Variants in SHROOM4 observed in about 807,000 individuals in gnomAD.
SHROOM4 encodes the protein protein Shroom4.
A neutral mutation model predicts 80.3 loss-of-function variants in SHROOM4; 17 were observed. That is an observed-to-expected ratio of 0.21 (90% confidence interval 0.14 to 0.32). The LOEUF is 0.32. Ranked by LOEUF, SHROOM4 falls within the 10% of genes least tolerant of loss-of-function variation. The pLI is 1.00. For missense variants in SHROOM4, 993 were observed against 1,140.3 expected (o/e 0.87, Z 1.86); for synonymous variants, 400 against 437.5 (o/e 0.91, Z 1.07).
At chrX:50,810,600 C>T (rs917324126) in intron 1 of SHROOM4, among the ~76,000 whole-genome samples, 6 of 111,889 alleles carry the variant, frequency 5.4e-5, no homozygotes, top group African/African-American at 2.0e-4. Flanking sequence ...TGAGCCCAGA[C>T]TCCATCAGAG....
At chrX:50,581,906 A>C (rs1371492970), downstream of SHROOM4, among the ~76,000 whole-genome samples, 3 of 111,030 alleles carry the variant, frequency 2.7e-5, no homozygotes, top group Non-Finnish European at 5.7e-5. Context: ...GCTAAACCGC[A>C]GATTAAGTGA....
At chrX:50,813,866 T>C (rs371669421) in intron 1 of SHROOM4, 36 bp downstream of exon 1, 91 of 1,051,252 alleles carry the variant, frequency 8.7e-5, no homozygotes, top group Non-Finnish European at 1.2e-4. Flanking sequence ...CCATTCAAAG[T>C]TAGGCGCCGT....
At chrX:50,780,056 TA>T (rs1195336447) in intron 1 of SHROOM4, among the ~76,000 whole-genome samples, 1 of 111,286 alleles carries the variant, frequency 9.0e-6, no homozygotes, top group African/African-American at 3.3e-5. Context: ...ATCCCTTGGG[TA>T]AAAAAGTATG....
At chrX:50,781,930 C>T (rs1177119345) in intron 1 of SHROOM4, among the ~76,000 whole-genome samples, 1 of 111,284 alleles carries the variant, frequency 9.0e-6, no homozygotes, top group African/African-American at 3.3e-5. Context: ...TAAAATGGGC[C>T]GAGCGTAGCG....
At chrX:50,669,123 T>C (rs1932764194) in intron 2 of SHROOM4, among the ~76,000 whole-genome samples, 1 of 112,358 alleles carries the variant, frequency 8.9e-6, no homozygotes, top group African/African-American at 3.2e-5. Flanking sequence ...GGTCTTGCCT[T>C]GATGTTGATG....
intron 1 of SHROOM4, among the ~76,000 whole-genome samples, chrX:50,791,953 A>AAGTATAGT (rs1368914937): frequency 9.0e-6 from 1 of 111,130 alleles, no homozygotes; most frequent in Non-Finnish European, 1.9e-5. Flanking sequence ...AAAATGGGGA[A>AAGTATAGT]AGTATAGTCT....
the SHROOM4 span, among the ~76,000 whole-genome samples, chrX:50,576,531 T>C: frequency 8.9e-6 from 1 of 111,951 alleles, no homozygotes; most frequent in Non-Finnish European, 1.9e-5. Flanking sequence ...TGTCCTCTTG[T>C]CTGGATCAAA....
chrX:50,651,589 T>G (rs1473025824), intron 2 of SHROOM4, among the ~76,000 whole-genome samples: 2 of 111,588 alleles, frequency 1.8e-5, no homozygotes, highest in Non-Finnish European at 3.8e-5. Flanking sequence ...TGAATTTTGG[T>G]TTTGTTTTTA....
chrX:50,737,194 A>T (rs1355196211), intron 1 of SHROOM4, among the ~76,000 whole-genome samples: 2 of 111,343 alleles, frequency 1.8e-5, no homozygotes, highest in African/African-American at 6.5e-5. Flanking sequence ...GTGCCAAAAC[A>T]ACCACAATGA....
intron 1 of SHROOM4, among the ~76,000 whole-genome samples, chrX:50,805,279 C>T (rs942255984): frequency 1.4e-4 from 15 of 111,051 alleles, no homozygotes; most frequent in Non-Finnish European, 2.5e-4. Context: ...CTCCCCGAAA[C>T]GAAAAATCAG....
chrX:50,777,689 T>C (rs914474412), intron 1 of SHROOM4, among the ~76,000 whole-genome samples: 1 of 111,927 alleles, frequency 8.9e-6, no homozygotes, highest in Admixed American at 9.5e-5. Context: ...TATTACTCTG[T>C]TAATGAAAAA....
chrX:50,702,839 AG>A (rs1557263632), intron 1 of SHROOM4, among the ~76,000 whole-genome samples: 1 of 112,045 alleles, frequency 8.9e-6, no homozygotes, highest in East Asian at 2.8e-4. Context: ...AAGGAAAAAG[AG>A]GGTAGATTAT....
chrX:50,633,055 C>T, intron 4 of SHROOM4, 123 bp downstream of exon 4: 1 of 719,253 alleles, frequency 1.4e-6, no homozygotes, highest in Admixed American at 3.0e-5. Context: ...AAGCTAACAA[C>T]TACTGAAGCC....
chrX:50,810,262 A>G (rs1936304149), intron 1 of SHROOM4, among the ~76,000 whole-genome samples: 1 of 111,443 alleles, frequency 9.0e-6, no homozygotes, highest in South Asian at 3.8e-4. Flanking sequence ...ACCAGCAGGA[A>G]TTGATGATTT....
intron 1 of SHROOM4, among the ~76,000 whole-genome samples, chrX:50,738,902 G>A (rs782589933): frequency 2.5e-3 from 281 of 111,562 alleles, no homozygotes; most frequent in African/African-American, 8.5e-3. Flanking sequence ...AACAAAGCTG[G>A]AGGCATCACG....
At chrX:50,754,258 G>A (rs17003195) in intron 1 of SHROOM4, among the ~76,000 whole-genome samples, 6,866 of 111,288 alleles carry the variant, frequency 0.062, 551 homozygotes, top group African/African-American at 0.21. Context: ...GGCTTAGGAA[G>A]GAGCTACAGA....
Position 50,633,544 on chromosome X carries a change from T to C in SHROOM4, c.2529A>G (p.Ser843=), listed in dbSNP as rs1329758141. The C allele has an allele frequency of 4.1e-6, 5 of 1,211,547 alleles. No individual in the cohort carries two copies. Among genetic ancestry groups the C allele is most frequent in the Non-Finnish European group, 5.6e-6 (5 of 895,469 alleles). ...ACTGAAGGGGTGACATGGAATGATATGATTGGTCTGTGGCATGATATGGTT... is the reference window on the plus strand; with the variant it reads ...ACTGAAGGGGTGACATGGAATGATACGATTGGTCTGTGGCATGATATGGTT... The part of the protein sequence containing the change: ...ADQPYHATDQ[S]YHSMSPLQSE... Residue 843 remains serine (S), a synonymous_variant, in exon 4 of 9, where the codon TCA becomes TCG. Coordinates refer to ENST00000376020, the MANE Select transcript of SHROOM4 (RefSeq NM_020717.5).
At chrX:50,798,352 T>C (rs781911338) in intron 1 of SHROOM4, among the ~76,000 whole-genome samples, 1 of 112,148 alleles carries the variant, frequency 8.9e-6, no homozygotes, top group East Asian at 2.8e-4. Flanking sequence ...TCGTGCATTA[T>C]ATTATTTCAT....
At chrX:50,687,456 C>T (rs782579501) in intron 2 of SHROOM4, among the ~76,000 whole-genome samples, 2 of 110,685 alleles carry the variant, frequency 1.8e-5, no homozygotes, top group African/African-American at 6.6e-5. Context: ...CTTGCCTTTC[C>T]AGGACTTCTC....
Sources: gnomAD v4.1 joint callset for allele counts (sites outside exome capture counted in the v4.1 genomes callset) on GRCh38, gnomAD v4.1.1 for gene constraint, MANE v1.5 for transcripts, NCBI Gene and HGNC (gene_info 2026-07-23, HGNC 2026-07-21) for gene names.